The following PTK2 variants were observed in gnomAD, a reference collection of about 807,000 sequenced individuals.
The protein encoded by PTK2 is focal adhesion kinase 1.
PTK2 carries 45 observed loss-of-function variants against 150.1 expected under a neutral mutation model. The observed-to-expected ratio is 0.30, with a 90% CI of 0.24 to 0.38. The LOEUF (loss-of-function observed/expected upper bound fraction) is 0.38, where lower values mean the gene tolerates loss of function less well. Ranked by LOEUF, PTK2 falls within the 10% of genes least tolerant of loss-of-function variation. The pLI, the probability that PTK2 is intolerant of heterozygous loss-of-function variation, is 1.00. For missense variants in PTK2, 919 were observed against 1,307.3 expected, an observed-to-expected ratio of 0.70 and a Z score of 4.58; for synonymous variants, 432 against 449.2, an observed-to-expected ratio of 0.96 and a Z score of 0.48.
chr8:140,912,895 G>A (rs528017930), intron 2 of PTK2, among the ~76,000 whole-genome samples: 129 of 152,160 alleles, frequency 8.5e-4, no homozygotes, highest in African/African-American at 2.8e-3. Context: ...GCAGTGAGCC[G>A]AGATCGTGCC....
chr8:140,872,242 A>G (rs940953653), intron 4 of PTK2, among the ~76,000 whole-genome samples: 1 of 151,140 alleles, frequency 6.6e-6, no homozygotes, highest in Non-Finnish European at 1.5e-5. Context: ...ACGGGGTTTC[A>G]CCATGTTGGC....
chr8:140,821,574 T>C (rs575041377), intron 8 of PTK2: 4 of 152,290 alleles, frequency 2.6e-5, no homozygotes, highest in Admixed American at 2.6e-4. Flanking sequence ...CAAGGAGACA[T>C]TTGGATCTAA....
At chr8:140,820,781 T>C (rs1239936381) in intron 8 of PTK2, 1 of 152,126 alleles carries the variant, frequency 6.6e-6, no homozygotes, top group East Asian at 1.9e-4. Flanking sequence ...AGCAGGCCAG[T>C]AAGGGCCCAG....
chr8:140,801,947 A>G (rs1295146302), intron 11 of PTK2, among the ~76,000 whole-genome samples: 1 of 152,160 alleles, frequency 6.6e-6, no homozygotes, highest in East Asian at 1.9e-4. Context: ...TGGTGTAAAA[A>G]AAATCTACTG....
chr8:140,993,453 A>G (rs2100196493), intron 1 of PTK2, among the ~76,000 whole-genome samples: 1 of 152,250 alleles, frequency 6.6e-6, no homozygotes, highest in African/African-American at 2.4e-5. Context: ...TGTGTAAGAC[A>G]CTGGTGATTC....
chr8:140,963,788 C>T lies in PTK2; in HGVS notation c.-122+37337G>A, dbSNP rs1020448. ...CATACCTTCTAAGCCTTTACCTCTT[C>T]CTCCTCAAAATATTTCTCATCATCC... On this transcript the variant is annotated intron_variant, in intron 1 of 31. Transcript: ENST00000522684. Among the ~76,000 whole-genome samples, 449 of 152,276 alleles carry T rather than the reference C, an allele frequency of 2.9e-3. 1 individual carries two copies. Among genetic ancestry groups the T allele is most frequent in the African/African-American group, 0.01 (435 of 41,552 alleles).
At chr8:140,733,595 C>T (rs1306585252) in intron 22 of PTK2, among the ~76,000 whole-genome samples, 1 of 151,894 alleles carries the variant, frequency 6.6e-6, no homozygotes, top group Non-Finnish European at 1.5e-5. Flanking sequence ...CAAGGAGGAA[C>T]AAATAGGAGC....
intron 27 of PTK2, among the ~76,000 whole-genome samples, chr8:140,681,293 C>A (rs569328454): frequency 5.6e-4 from 84 of 150,788 alleles, no homozygotes; most frequent in Non-Finnish European, 7.4e-5. Flanking sequence ...GCAGAAGATG[C>A]AGTGAGCCGA....
intron 14 of PTK2, among the ~76,000 whole-genome samples, chr8:140,768,800 G>T (rs1005156194): frequency 6.6e-6 from 1 of 152,134 alleles, no homozygotes; most frequent in African/African-American, 2.4e-5. Flanking sequence ...CAAATCCTGT[G>T]AAAAACACGC....
intron 7 of PTK2, among the ~76,000 whole-genome samples, chr8:140,831,387 A>C (rs2100115301): frequency 6.6e-6 from 1 of 152,248 alleles, no homozygotes; most frequent in South Asian, 2.1e-4. Context: ...GTATCTTTTC[A>C]GAATCACATA....
At chr8:140,673,372 T>A (rs565533478) in intron 29 of PTK2, among the ~76,000 whole-genome samples, 1 of 152,056 alleles carries the variant, frequency 6.6e-6, no homozygotes, top group Non-Finnish European at 1.5e-5. Flanking sequence ...CCTCCCGAAA[T>A]GCTGGGATTA....
chr8:140,798,947 G>C (rs1427601447), intron 12 of PTK2, among the ~76,000 whole-genome samples: 1 of 152,148 alleles, frequency 6.6e-6, no homozygotes, highest in Non-Finnish European at 1.5e-5. Context: ...AGTAACTGTA[G>C]AGATTTCTGA....
Position 140,701,058 on chromosome 8 carries a change from A to G in PTK2, c.2368-36T>C, listed in dbSNP as rs370613310. ...GGTTGAAAACAGCATATTCAGTCTC[A>G]TAAGTCTATTCCTATGCTCTTACCT... On this transcript the variant is annotated intron_variant, in intron 25 of 31. Coordinates refer to ENST00000522684, the Ensembl canonical transcript of PTK2. The G allele has an allele frequency of 9.9e-5, 158 of 1,602,646 alleles. No individual in the cohort carries two copies. The African/African-American group carries it at 1.8e-3, about 18-fold the overall frequency.
Position 140,821,435 on chromosome 8 carries a change from A to C in PTK2, c.649-2415T>G, listed in dbSNP as rs1450631470. ...CATATGCAAGACAACTGGAAAGTAAAGAATCCAGGAAAAGTAGAGTTTTAG... is the reference window on the plus strand; with the variant it reads ...CATATGCAAGACAACTGGAAAGTAACGAATCCAGGAAAAGTAGAGTTTTAG... On this transcript the variant is annotated intron_variant, in intron 8 of 31. Transcript: ENST00000522684. 2.0e-5 allele frequency: 3 copies of C among 152,300 alleles called. No individual in the cohort carries two copies. The East Asian group carries it at 5.8e-4, about 29-fold the overall frequency. 9.4% of individuals were successfully genotyped at this position (152,300 alleles called of 1,614,324 possible). A position where few individuals can be genotyped will look rare whatever the true frequency, so the allele number is the denominator to read the frequency against.
intron 22 of PTK2, among the ~76,000 whole-genome samples, chr8:140,732,360 A>G (rs2100049937): frequency 6.6e-6 from 1 of 152,242 alleles, no homozygotes; most frequent in Admixed American, 6.5e-5. Flanking sequence ...GATATCCATA[A>G]ATTATACTAC....
At chr8:140,908,695 A>C (rs759512089) in intron 2 of PTK2, among the ~76,000 whole-genome samples, 3 of 151,652 alleles carry the variant, frequency 2.0e-5, no homozygotes, top group Non-Finnish European at 4.4e-5. Context: ...TTGGGGGGGG[A>C]CACAGCCAAA....
At chr8:140,713,423 T>G (rs1222344555) in intron 23 of PTK2, among the ~76,000 whole-genome samples, 1 of 152,170 alleles carries the variant, frequency 6.6e-6, no homozygotes, top group Non-Finnish European at 1.5e-5. Flanking sequence ...CCAACTTGCT[T>G]AGCTAATTTT....
chr8:140,767,493 C>CT (rs1479513619), intron 14 of PTK2, among the ~76,000 whole-genome samples: 12 of 151,128 alleles, frequency 7.9e-5, no homozygotes, highest in East Asian at 1.9e-4. Flanking sequence ...CTAAGAATTC[C>CT]TTTTTTTTTG....
At chr8:140,779,748 TA>T (rs1291704854) in intron 14 of PTK2, among the ~76,000 whole-genome samples, 3 of 152,184 alleles carry the variant, frequency 2.0e-5, no homozygotes, top group African/African-American at 2.4e-5. Context: ...ATAAAGAGCA[TA>T]ATGAGATTAG....
Sources: gnomAD v4.1 joint callset for allele counts (sites outside exome capture counted in the v4.1 genomes callset) on GRCh38, gnomAD v4.1.1 for gene constraint, MANE v1.5 for transcripts, NCBI Gene and HGNC (gene_info 2026-07-23, HGNC 2026-07-21) for gene names.